Variants in CPB1 observed in about 807,000 individuals in gnomAD.
The protein encoded by CPB1 is carboxypeptidase B.
CPB1 carries 53 observed loss-of-function variants against 51.4 expected under a neutral mutation model. The ratio of observed to expected loss-of-function variants is 1.03; its 90% confidence interval spans 0.83 to 1.30. The LOEUF (loss-of-function observed/expected upper bound fraction) is 1.30. CPB1 is among the 50% of genes most tolerant of loss of function. The pLI is 0.00. For missense variants in CPB1, 494 were observed against 516.2 expected, an observed-to-expected ratio of 0.96 and a Z score of 0.42; for synonymous variants, 189 against 186.9, an observed-to-expected ratio of 1.01 and a Z score of -0.09.
At chr3:148,858,281 G>T (rs1713644895) in intron 10 of CPB1, among the ~76,000 whole-genome samples, 1 of 152,082 alleles carries the variant, frequency 6.6e-6, no homozygotes, top group African/African-American at 2.4e-5. Context: ...ATATAAGACA[G>T]AGTGTTTTCA....
rs537695753 is a variant in CPB1 at position 148,858,168 on chromosome 3, G to A, written c.1066+627G>A. ...AGTGCTGTGACATTAGGATGCACAA[G>A]GAAAGAACACACCCAAAGACCAACC... On this transcript the variant is annotated intron_variant, in intron 10 of 10. Coordinates refer to ENST00000282957, the MANE Select transcript of CPB1 (RefSeq NM_001871.3). Among the ~76,000 whole-genome samples, 5 of 152,112 alleles carry A rather than the reference G, an allele frequency of 3.3e-5. No homozygotes were observed. The South Asian group carries it at 1.0e-3, about 31-fold the overall frequency.
chr3:148,857,070 T>TTTTTTTTTTTTTTTG (rs1713590610), intron 9 of CPB1: 1 of 45,376 alleles, frequency 2.2e-5, no homozygotes, highest in Non-Finnish European at 3.8e-5. Flanking sequence ...GTGTTTTTTT[T>TTTTTTTTTTTTTTTG]TTTTTTTTTT....
intron 3 of CPB1, among the ~76,000 whole-genome samples, chr3:148,840,212 T>A (rs1232077749): frequency 1.3e-5 from 2 of 152,170 alleles, no homozygotes; most frequent in East Asian, 3.8e-4. Flanking sequence ...TAGAGACAGG[T>A]CCAAAGTGAC....
At chr3:148,828,201 T>A in intron 2 of CPB1, 124 bp downstream of exon 2, 1 of 777,266 alleles carries the variant, frequency 1.3e-6, no homozygotes, top group Non-Finnish European at 2.1e-6. Flanking sequence ...AAATAAAAAC[T>A]TGGAAAACAT....
intron 2 of CPB1, among the ~76,000 whole-genome samples, chr3:148,833,740 T>TAA (rs72471320): frequency 4.6e-4 from 67 of 145,350 alleles, no homozygotes; most frequent in African/African-American, 1.6e-3. Context: ...ATCCACAGAT[T>TAA]AAAAAAAAAA....
At chr3:148,844,244 G>A in intron 6 of CPB1, among the ~76,000 whole-genome samples, 1 of 152,048 alleles carries the variant, frequency 6.6e-6, no homozygotes, top group East Asian at 1.9e-4. Context: ...GTTAAAATAA[G>A]AAGGATGCAA....
intron 4 of CPB1, 38 bp from the exon 5 acceptor site, chr3:148,840,836 G>A (rs1290515864): frequency 3.7e-6 from 6 of 1,613,486 alleles, no homozygotes; most frequent in Non-Finnish European, 8.5e-7. Flanking sequence ...ATTGAACCAA[G>A]AATGCCACAT....
At chr3:148,829,852 C>T (rs796199259) in intron 2 of CPB1, among the ~76,000 whole-genome samples, 14 of 152,196 alleles carry the variant, frequency 9.2e-5, no homozygotes, top group African/African-American at 3.4e-4. Context: ...ATTCATTAAC[C>T]TATTCTGCTT....
chr3:148,828,310 A>G (rs1266351797), intron 2 of CPB1, among the ~76,000 whole-genome samples: 4 of 152,222 alleles, frequency 2.6e-5, no homozygotes. Context: ...TGACAGTGTG[A>G]CAACTGGATG....
intron 4 of CPB1, 29 bp from the exon 5 acceptor site, chr3:148,840,845 A>G: frequency 1.2e-6 from 2 of 1,613,586 alleles, no homozygotes; most frequent in Middle Eastern, 1.6e-4. Flanking sequence ...AGAATGCCAC[A>G]TTGATCTACA....
At chr3:148,828,758 T>C (rs908907928) in intron 2 of CPB1, among the ~76,000 whole-genome samples, 2 of 152,296 alleles carry the variant, frequency 1.3e-5, no homozygotes, top group East Asian at 1.9e-4. Context: ...TCTTCATAAA[T>C]ATATAAACTA....
chr3:148,839,211 A>G (rs933306229), intron 3 of CPB1, among the ~76,000 whole-genome samples: 2 of 152,104 alleles, frequency 1.3e-5, no homozygotes, highest in African/African-American at 4.8e-5. Context: ...GAAGGTGGAG[A>G]AAAAGGGTAT....
In CPB1 at chr3:148,844,478, G is replaced by T; in HGVS notation, c.577G>T (p.Ala193Ser). The change falls in exon 7 of 11, where the codon GCT becomes TCT. Residue 193 changes from alanine to serine, a missense_variant and splice_region_variant. Transcript: ENST00000282957. ...PAFCQWFVRE[A>S]VRTYGREIQV... is the part of the protein sequence containing the mutation. ...ATTCCTCTTCATAATTCACATACAG[G>T]CTGTTCGTACCTATGGACGTGAGAT... The T allele has an allele frequency of 1.2e-6, 2 of 1,608,600 alleles. No homozygotes were observed. The highest frequency in any genetic ancestry group is 8.5e-7 in the Non-Finnish European group (1 of 1,175,490).
In CPB1 at chr3:148,840,925, C is replaced by G. The variant is rs955328246; in HGVS notation, c.424C>G (p.Arg142Gly). The G allele has an allele frequency of 6.2e-7, 1 of 1,613,972 alleles. No homozygotes were observed. Among genetic ancestry groups the G allele is most frequent in the African/African-American group, 1.3e-5 (1 of 74,896 alleles). The change falls in exon 5 of 11, where the codon CGC becomes GGC. Residue 142 changes from arginine (R) to glycine (G), a missense_variant. Arg to Gly is a moderately radical substitution (Grantham distance 125). Transcript: ENST00000282957. ...VATENPALISRSVIGTTFEGR... is the reference protein window; with the variant it reads ...VATENPALISGSVIGTTFEGR... The stretch of plus-strand genomic sequence containing the variant: ...CACTGAGAATCCAGCCCTCATCTCT[C>G]GCAGTGTTATCGGAACCACATTTGA...
At position 148,857,274 on chromosome 3, in the gene CPB1, A is replaced by C. The variant is rs1713607534; in HGVS notation, c.982-183A>C. 1.3e-5 allele frequency: 7 copies of C among 522,980 alleles called. No individual in the cohort carries two copies. The South Asian group carries it at 1.5e-4, about 11-fold the overall frequency. The allele number at this position is 522,980 out of a possible 1,614,324, so 32.4% of individuals were successfully genotyped here. A position where few individuals can be genotyped will look rare whatever the true frequency, so the allele number is the denominator to read the frequency against. On this transcript the variant is annotated intron_variant, in intron 9 of 10. Transcript: ENST00000282957. ...AGGGTATTAGGGAAGACATTCTTGC[A>C]CAAGAATTACTTGGATCATATCACT...
At chr3:148,833,051 A>G (rs1460569477) in intron 2 of CPB1, among the ~76,000 whole-genome samples, 1 of 152,160 alleles carries the variant, frequency 6.6e-6, no homozygotes, top group Admixed American at 6.5e-5. Flanking sequence ...TAATGTGCTT[A>G]TCTTCAATTG....
chr3:148,834,562 T>A lies in CPB1; in HGVS notation c.212T>A (p.Val71Asp). The stretch of plus-strand genomic sequence containing the variant: ...CCTCACAGTACAGTTGACTTCCGTG[T>A]TAAAGCAGAAGATACTGTCACTGTG... ...IKPHSTVDFRVKAEDTVTVEN... is the reference protein window; with the variant it reads ...IKPHSTVDFRDKAEDTVTVEN... Residue 71 changes from valine to aspartate, a missense_variant, in exon 3 of 11, where the codon GTT (valine) becomes GAT (aspartate). Coordinates refer to ENST00000282957, the MANE Select transcript of CPB1 (RefSeq NM_001871.3). 1 of 1,613,668 alleles carries A rather than the reference T, an allele frequency of 6.2e-7. No homozygotes were observed. The highest frequency in any genetic ancestry group is 8.5e-7 in the Non-Finnish European group (1 of 1,179,566).
chr3:148,847,322 T>A (rs1376689449), intron 9 of CPB1, among the ~76,000 whole-genome samples: 1 of 128,310 alleles, frequency 7.8e-6, no homozygotes, highest in Non-Finnish European at 1.6e-5. Context: ...ACTAGTTGTA[T>A]ACAATAACAA....
Position 148,845,601 on chromosome 3 carries a change from A to G in CPB1, c.956A>G (p.Lys319Arg). Residue 319 changes from lysine (K) to arginine (R), a missense_variant, in exon 9 of 11, where the codon AAA becomes AGA. By Grantham distance (26) the Lys-to-Arg change is conservative (BLOSUM62 2). Transcript: ENST00000282957. Reference protein sequence around the residue: ...MMIYPYSYAYKLGENNAELNA... With the variant: ...MMIYPYSYAYRLGENNAELNA... Reference sequence around the variant, plus strand: ...ATCTACCCTTACTCATATGCTTACAAACTCGGTGAGAACAATGCTGAGTTG... The same window carrying G: ...ATCTACCCTTACTCATATGCTTACAGACTCGGTGAGAACAATGCTGAGTTG... 3 of 1,613,818 alleles carry G rather than the reference A, an allele frequency of 1.9e-6. No homozygotes were observed. Among genetic ancestry groups the G allele is most frequent in the Non-Finnish European group, 2.5e-6 (3 of 1,179,722 alleles).
Sources: allele counts gnomAD v4.1 joint callset (sites outside exome capture counted in the v4.1 genomes callset), GRCh38; gene constraint gnomAD v4.1.1; transcripts MANE v1.5; gene names NCBI Gene and HGNC (gene_info 2026-07-23, HGNC 2026-07-21).